The following BMPR1B variants were observed in gnomAD, a reference collection of about 807,000 sequenced individuals.
The protein encoded by BMPR1B is bone morphogenetic protein receptor type-1B.
BMPR1B carries 12 observed loss-of-function variants against 59.1 expected under a neutral mutation model. The ratio of observed to expected loss-of-function variants is 0.20; its 90% confidence interval spans 0.13 to 0.33. The LOEUF is 0.33. BMPR1B is among the 10% of genes least tolerant of loss of function. The probability of loss-of-function intolerance (pLI) is 1.00; values close to 1 mark genes in which losing one functional copy is unlikely to be tolerated. For synonymous variants in BMPR1B, 237 were observed against 207.3 expected (o/e 1.14, Z -1.23); for missense variants, 550 against 610.9 (o/e 0.90, Z 1.05).
Position 95,038,217 on chromosome 4 carries a change from T to A in BMPR1B, c.-18+42083T>A, listed in dbSNP as rs563424846. ...ACAAAGCTCTGAGCTGGATCATGCC[T>A]TGTATGTTTGAGGAACAGGATGAAG... On this transcript the variant is annotated intron_variant, in intron 3 of 12. Transcript: ENST00000515059. Among the ~76,000 whole-genome samples the A allele has an allele frequency of 6.2e-3, 938 of 152,248 alleles. 2 individuals are homozygous for A. The highest frequency in any genetic ancestry group is 0.01 in the Non-Finnish European group (706 of 68,020).
chr4:94,991,641 G>A (rs944801968), intron 2 of BMPR1B, among the ~76,000 whole-genome samples: 1 of 152,170 alleles, frequency 6.6e-6, no homozygotes, highest in Non-Finnish European at 1.5e-5. Context: ...AATGGTAGGA[G>A]GACAAGTGGG....
intron 2 of BMPR1B, among the ~76,000 whole-genome samples, chr4:94,947,399 A>C (rs1578836064): frequency 6.6e-6 from 1 of 152,204 alleles, no homozygotes; most frequent in Non-Finnish European, 1.5e-5. Flanking sequence ...GGATAGTGTG[A>C]GTTTGTTTGG....
At chr4:94,821,963 C>G (rs1385711361) in intron 1 of BMPR1B, among the ~76,000 whole-genome samples, 1 of 152,152 alleles carries the variant, frequency 6.6e-6, no homozygotes. Flanking sequence ...TTGACTTATT[C>G]TGTTTTGGTG....
At position 95,096,811 on chromosome 4, in the gene BMPR1B, A is replaced by AATATAAATATATTTATATTTAT. The variant is rs988335273; in HGVS notation, c.-17-7584_-17-7563dup. 1.7e-3 allele frequency among the ~76,000 whole-genome samples: 238 copies of AATATAAATATATTTATATTTAT among 140,962 alleles called. 1 individual carries two copies. The highest frequency in any genetic ancestry group is 6.1e-3 in the African/African-American group (235 of 38,510). The allele number at this position is 140,962 out of a possible 152,430, so 92.5% of individuals were successfully genotyped here. ...TATATATCTATATATAGAATATATA[A>AATATAAATATATTTATATTTAT]ATATAAATATATTTATATTTATATA... On this transcript the variant is annotated intron_variant, in intron 3 of 12. Coordinates refer to ENST00000515059, the MANE Select transcript of BMPR1B (RefSeq NM_001203.3).
intron 4 of BMPR1B, among the ~76,000 whole-genome samples, chr4:95,109,635 TAGA>T (rs1000066402): frequency 2.0e-5 from 3 of 152,058 alleles, no homozygotes; most frequent in African/African-American, 7.2e-5. Flanking sequence ...TTTTTTCCAG[TAGA>T]AGATGTTGAT....
chr4:94,828,972 T>A (rs78701012), intron 1 of BMPR1B, among the ~76,000 whole-genome samples: 13,335 of 150,746 alleles, frequency 0.088, 975 homozygotes, highest in East Asian at 0.28. Flanking sequence ...TTAGGGTGTG[T>A]GTGTGAGAGA....
At chr4:95,102,150 C>T (rs1730871021) in intron 3 of BMPR1B, among the ~76,000 whole-genome samples, 1 of 152,154 alleles carries the variant, frequency 6.6e-6, no homozygotes, top group African/African-American at 2.4e-5. Context: ...AAATTTTATA[C>T]CACTTCTTCT....
At chr4:95,115,570 A>T in intron 5 of BMPR1B, 115 bp from the exon 6 acceptor site, 1 of 879,038 alleles carries the variant, frequency 1.1e-6, no homozygotes. Context: ...TGTTTGAGTG[A>T]AATTGTTAGA....
chr4:94,949,167 C>G (rs1729832544), intron 2 of BMPR1B, among the ~76,000 whole-genome samples: 1 of 152,064 alleles, frequency 6.6e-6, no homozygotes, highest in African/African-American at 2.4e-5. Flanking sequence ...GGTTCCCCTC[C>G]CTGTGCCCAT....
chr4:94,975,366 T>TG (rs1553923299), intron 2 of BMPR1B, among the ~76,000 whole-genome samples: 1 of 134,828 alleles, frequency 7.4e-6, no homozygotes, highest in African/African-American at 3.1e-5. Context: ...TGTTTTTGTT[T>TG]TTTTTTTTTT....
intron 2 of BMPR1B, among the ~76,000 whole-genome samples, chr4:94,900,536 A>G (rs1332050024): frequency 6.6e-6 from 1 of 152,056 alleles, no homozygotes; most frequent in Non-Finnish European, 1.5e-5. Context: ...AGTGTATTAA[A>G]AACAAGGGCA....
intron 3 of BMPR1B, among the ~76,000 whole-genome samples, chr4:95,017,093 G>A (rs771882865): frequency 2.4e-4 from 36 of 152,142 alleles, no homozygotes; most frequent in Non-Finnish European, 4.9e-4. Flanking sequence ...AGACTCAGCT[G>A]TTTATCCACT....
At chr4:94,892,377 G>A (rs923926789) in intron 2 of BMPR1B, among the ~76,000 whole-genome samples, 6 of 152,088 alleles carry the variant, frequency 3.9e-5, no homozygotes, top group African/African-American at 1.4e-4. Flanking sequence ...GTTAAAGTTA[G>A]AGGAGCTTTA....
chr4:95,012,905 T>A (rs1231809335), intron 3 of BMPR1B, among the ~76,000 whole-genome samples: 1 of 152,138 alleles, frequency 6.6e-6, no homozygotes, highest in African/African-American at 2.4e-5. Context: ...GGGTTAGTAA[T>A]TCTCGCTCTC....
intron 1 of BMPR1B, among the ~76,000 whole-genome samples, chr4:94,861,740 A>T (rs1392570115): frequency 6.6e-6 from 1 of 152,236 alleles, no homozygotes; most frequent in East Asian, 1.9e-4. Flanking sequence ...GGTGATTTTA[A>T]AATTATGGTT....
intron 3 of BMPR1B, among the ~76,000 whole-genome samples, chr4:95,025,977 G>A (rs1724325484): frequency 6.6e-6 from 1 of 152,108 alleles, no homozygotes; most frequent in East Asian, 1.9e-4. Context: ...ATTTACAATT[G>A]CATGTTTATG....
At chr4:94,763,317 G>A (rs1721849397) in intron 1 of BMPR1B, among the ~76,000 whole-genome samples, 1 of 152,228 alleles carries the variant, frequency 6.6e-6, no homozygotes, top group Non-Finnish European at 1.5e-5. Context: ...TGCATTGTTA[G>A]ATCGGGATGT....
At chr4:94,820,464 T>A (rs1724166608) in intron 1 of BMPR1B, among the ~76,000 whole-genome samples, 1 of 152,216 alleles carries the variant, frequency 6.6e-6, no homozygotes, top group Non-Finnish European at 1.5e-5. Context: ...GGGAGTGTGC[T>A]TTGTTCATTG....
At chr4:95,010,063 A>G (rs1723114386) in intron 3 of BMPR1B, among the ~76,000 whole-genome samples, 1 of 152,202 alleles carries the variant, frequency 6.6e-6, no homozygotes, top group South Asian at 2.1e-4. Context: ...GACACAGAGA[A>G]GGAATAGCAA....
Sources: allele counts gnomAD v4.1 joint callset (sites outside exome capture counted in the v4.1 genomes callset), GRCh38; gene constraint gnomAD v4.1.1; transcripts MANE v1.5; gene names NCBI Gene and HGNC (gene_info 2026-07-23, HGNC 2026-07-21).